The following SMG1 variants were observed in gnomAD, a reference collection of about 807,000 sequenced individuals.
SMG1 encodes the protein serine/threonine-protein kinase SMG1.
In SMG1, 22 loss-of-function variants were observed where a neutral mutation model predicts 419.9. That is an observed-to-expected ratio of 0.05 (90% CI 0.04 to 0.07). SMG1 has a LOEUF of 0.07. SMG1 is among the 10% of genes least tolerant of loss of function. The probability of loss-of-function intolerance (pLI) is 1.00; values close to 1 mark genes in which losing one functional copy is unlikely to be tolerated. For missense variants in SMG1, 3,185 were observed against 4,342.0 expected (o/e 0.73, Z 7.49); for synonymous variants, 1,538 against 1,553.5 (o/e 0.99, Z 0.23).
intron 39 of SMG1, among the ~76,000 whole-genome samples, chr16:18,844,272 T>C (rs908222661): frequency 6.6e-6 from 1 of 151,344 alleles, no homozygotes; most frequent in Non-Finnish European, 1.5e-5. Context: ...CTACTAAAAG[T>C]ACAAAAATTA....
intron 1 of SMG1, among the ~76,000 whole-genome samples, chr16:18,910,000 C>T (rs1417132124): frequency 6.9e-6 from 1 of 145,114 alleles, no homozygotes; most frequent in Non-Finnish European, 1.5e-5. Context: ...TTCCCTTTTA[C>T]AAGAAAAAAA....
chr16:18,805,025 C>A lies in SMG1; in HGVS notation c.*4544G>T, dbSNP rs2030696492. The A allele has an allele frequency of 6.6e-6, 1 of 152,598 alleles. No individual in the cohort carries two copies. The highest frequency in any genetic ancestry group is 2.4e-5 in the African/African-American group (1 of 41,442). The allele number at this position is 152,598 out of a possible 1,614,324, so 9.5% of individuals were successfully genotyped here. ...TTTATTCAACTTTTAAATACAATCA[C>A]AAAATTATATCCATCAGGAGGCATT... On this transcript the variant is annotated 3_prime_UTR_variant, in exon 63 of 63. Coordinates refer to ENST00000446231, the MANE Select transcript of SMG1 (RefSeq NM_015092.5).
chr16:18,892,089 A>T, intron 4 of SMG1, 129 bp downstream of exon 4: 1 of 714,922 alleles, frequency 1.4e-6, no homozygotes. Flanking sequence ...GAAATTACAT[A>T]TTAGAGAGCA....
intron 15 of SMG1, among the ~76,000 whole-genome samples, chr16:18,871,928 C>G (rs2035846265): frequency 6.6e-6 from 1 of 151,352 alleles, no homozygotes. Context: ...TATTAAAAAT[C>G]TATATATATT....
Position 18,807,302 on chromosome 16 carries a change from C to CTGAAAGACTTT in SMG1, c.*2256_*2266dup, listed in dbSNP as rs1323450957. The CTGAAAGACTTT allele has an allele frequency of 2.4e-4, 36 of 152,108 alleles. No homozygotes were observed. The highest frequency in any genetic ancestry group is 8.2e-4 in the African/African-American group (34 of 41,436). 9.4% of individuals were successfully genotyped at this position (152,108 alleles called of 1,614,324 possible). On this transcript the variant is annotated 3_prime_UTR_variant, in exon 63 of 63. Transcript: ENST00000446231. ...CTTATGATGACAATAAAGAATGTTGCTGAAAGACTTTAATCTTGAGAGAGC... is the reference window on the plus strand; with the variant it reads ...CTTATGATGACAATAAAGAATGTTGCTGAAAGACTTTTGAAAGACTTTAATCTTGAGAGAGC...
chr16:18,847,691 T>G (rs1025849980), intron 37 of SMG1, 84 bp from the exon 38 acceptor site: 4 of 1,585,578 alleles, frequency 2.5e-6, no homozygotes, highest in Admixed American at 1.7e-5. Flanking sequence ...GTAAGTTAAG[T>G]GTGTGCAATT....
At chr16:18,886,198 C>A (rs1596596926) in intron 6 of SMG1, among the ~76,000 whole-genome samples, 1 of 151,644 alleles carries the variant, frequency 6.6e-6, no homozygotes, top group Admixed American at 6.6e-5. Context: ...CTATAAAGTA[C>A]AACAATTACT....
intron 30 of SMG1, 114 bp downstream of exon 30, chr16:18,854,542 A>C: frequency 3.1e-6 from 3 of 972,170 alleles, no homozygotes; most frequent in Non-Finnish European, 3.0e-6. Flanking sequence ...ATGTTCTGCA[A>C]CAGCTGGAAA....
rs1567350356 is a variant in SMG1, at chr16:18,841,799, G to A, written c.6467-5C>T. 4 of 1,611,292 alleles carry A rather than the reference G, an allele frequency of 2.5e-6. No individual in the cohort carries two copies. Among genetic ancestry groups the A allele is most frequent in the East Asian group, 2.2e-5 (1 of 44,868 alleles). Reference sequence around the variant, plus strand: ...CCAGATGTAAATCCTCCAGTCCTATGAAAACAAAATTAAAATAGCTAGGAT... The same window carrying A: ...CCAGATGTAAATCCTCCAGTCCTATAAAAACAAAATTAAAATAGCTAGGAT... On this transcript the variant is annotated splice_polypyrimidine_tract_variant and splice_region_variant and intron_variant, in intron 40 of 62. Transcript: ENST00000446231.
In SMG1 at chr16:18,839,880, T is replaced by C. The variant is rs1186689808; in HGVS notation, c.6763A>G (p.Ser2255Gly). The C allele has an allele frequency of 4.3e-6, 7 of 1,612,066 alleles. No homozygotes were observed. Among genetic ancestry groups the C allele is most frequent in the Non-Finnish European group, 5.9e-6 (7 of 1,178,982 alleles). Reference protein sequence around the residue: ...IVPRPSELYYSKIGPALKTVG... With the variant: ...IVPRPSELYYGKIGPALKTVG... ...GTTTTCAAAGCAGGGCCAATTTTAC[T>C]GTAATAAAGTTCACTAGGACGGGGT... is the stretch of plus-strand genomic sequence containing the variant. Residue 2255 changes from serine to glycine, a missense_variant, in exon 42 of 63, where the codon AGT (serine) becomes GGT (glycine). By Grantham distance (56) the Ser-to-Gly change is moderately conservative (BLOSUM62 0). Transcript: ENST00000446231.
Position 18,839,636 on chromosome 16 carries a change from G to T in SMG1, c.6945+62C>A, listed in dbSNP as rs369665006. ...AAGGGAAGGAGGACAAACAAGATAG[G>T]CAAGAAGGTAGCAGGCAAAAGAAAT... On this transcript the variant is annotated intron_variant, in intron 42 of 62. Coordinates refer to ENST00000446231, the MANE Select transcript of SMG1 (RefSeq NM_015092.5). 13 of 1,591,024 alleles carry T rather than the reference G, an allele frequency of 8.2e-6. No individual in the cohort carries two copies. In the African/African-American group the frequency reaches 1.7e-4, roughly 21 times the overall value.
At chr16:18,897,539 AAG>A (rs1178854094) in intron 1 of SMG1, among the ~76,000 whole-genome samples, 1 of 152,238 alleles carries the variant, frequency 6.6e-6, no homozygotes, top group Non-Finnish European at 1.5e-5. Flanking sequence ...AAAATTAAAA[AAG>A]AAGACATTTT....
chr16:18,917,222 G>A (rs1471605064), intron 1 of SMG1, among the ~76,000 whole-genome samples: 3 of 151,654 alleles, frequency 2.0e-5, no homozygotes, highest in African/African-American at 4.8e-5. Context: ...GCCCGATCTC[G>A]GCTCACCACA....
chr16:18,812,949 T>C (rs895965546), intron 60 of SMG1, among the ~76,000 whole-genome samples: 7 of 152,140 alleles, frequency 4.6e-5, no homozygotes, highest in African/African-American at 1.7e-4. Context: ...GATAGTTTGC[T>C]GAGAATGATG....
At chr16:18,815,781 AT>A in intron 58 of SMG1, 130 bp from the exon 59 acceptor site, 1 of 659,688 alleles carries the variant, frequency 1.5e-6, no homozygotes. Flanking sequence ...GTTCAACTCC[AT>A]TTTTATAGGA....
At chr16:18,862,251 C>T (rs1304973658) in intron 25 of SMG1, among the ~76,000 whole-genome samples, 1 of 152,172 alleles carries the variant, frequency 6.6e-6, no homozygotes. Flanking sequence ...CACTTCCCTT[C>T]TCAATGTCCC....
At chr16:18,882,495 T>C (rs1005587842) in intron 9 of SMG1, among the ~76,000 whole-genome samples, 157 bp from the exon 10 acceptor site, 6 of 152,070 alleles carry the variant, frequency 3.9e-5, no homozygotes, top group Non-Finnish European at 8.8e-5. Flanking sequence ...ACTCTAAATA[T>C]AAAAATGGGT....
intron 3 of SMG1, 51 bp from the exon 4 acceptor site, chr16:18,892,405 T>C: frequency 6.4e-6 from 9 of 1,414,816 alleles, no homozygotes; most frequent in South Asian, 1.4e-5. Flanking sequence ...TAAGCAAAGA[T>C]ATTTTTAAAT....
chr16:18,814,091 GAAAAT>G (rs1431099189), intron 60 of SMG1, among the ~76,000 whole-genome samples: 1 of 129,520 alleles, frequency 7.7e-6, no homozygotes, highest in Non-Finnish European at 1.7e-5. Context: ...AAATAAATAA[GAAAAT>G]AAAAAATAAA....
Sources: allele counts gnomAD v4.1 joint callset (sites outside exome capture counted in the v4.1 genomes callset), GRCh38; gene constraint gnomAD v4.1.1; transcripts MANE v1.5; gene names NCBI Gene and HGNC (gene_info 2026-07-23, HGNC 2026-07-21).